IFT70B: variants seen among roughly 807,000 people sequenced by gnomAD.
IFT70B encodes the protein intraflagellar transport 70B, also known as intraflagellar transport protein 70B.
At chr2:177,552,767 C>A in the IFT70B span, 1 of 1,544,262 alleles carries the variant, frequency 6.5e-7, no homozygotes, top group South Asian at 1.2e-5. Flanking sequence ...CAGCCATAAC[C>A]ACCACGGCTG....
chr2:177,550,899 T>C, the IFT70B span: 2 of 1,614,158 alleles, frequency 1.2e-6, no homozygotes, highest in East Asian at 2.2e-5. Flanking sequence ...GTTTCTGCCA[T>C]GAAGTTCACA....
chr2:177,550,845 T>A, the IFT70B span: 1 of 1,614,140 alleles, frequency 6.2e-7, no homozygotes, highest in Non-Finnish European at 8.5e-7. Flanking sequence ...CTTTCCAACA[T>A]GCATTCTTTC....
the IFT70B span, chr2:177,551,356 T>C: frequency 2.5e-6 from 4 of 1,614,070 alleles, no homozygotes; most frequent in Admixed American, 1.7e-5. Flanking sequence ...TTTTCCTGCA[T>C]GAACAGAACA....
chr2:177,550,229 CTT>C, the IFT70B span: 1 of 152,152 alleles, frequency 6.6e-6, no homozygotes, highest in African/African-American at 2.4e-5. Context: ...TTTTTACTGA[CTT>C]TTGCACGTTA....
At chr2:177,552,683 G>A in the IFT70B span, 1 of 1,597,578 alleles carries the variant, frequency 6.3e-7, no homozygotes, top group Non-Finnish European at 8.5e-7. Context: ...CCGCCTCGGC[G>A]TAGCGTGCAT....
At chr2:177,552,658 C>T in the IFT70B span, 2 of 1,589,808 alleles carry the variant, frequency 1.3e-6, no homozygotes, top group Non-Finnish European at 1.7e-6. Flanking sequence ...TGCAGTTCTC[C>T]GCCCAGCAGC....
the IFT70B span, chr2:177,552,236 C>T: frequency 1.2e-6 from 2 of 1,614,264 alleles, no homozygotes; most frequent in Non-Finnish European, 8.5e-7. Flanking sequence ...CGGCAAAAAA[C>T]TTGGAGCATG....
At chr2:177,552,208 A>G in the IFT70B span, 4 of 1,614,128 alleles carry the variant, frequency 2.5e-6, no homozygotes, top group East Asian at 8.9e-5. Flanking sequence ...TCAGGCTGGT[A>G]GCCCGAGGCC....
At chr2:177,551,999 G>A in the IFT70B span, 17 of 1,614,224 alleles carry the variant, frequency 1.1e-5, no homozygotes, top group Non-Finnish European at 1.4e-5. Context: ...CTGCCTTAAG[G>A]TTGAAGGCTT....
chr2:177,552,501 G>C, the IFT70B span: 1 of 1,605,436 alleles, frequency 6.2e-7, no homozygotes, highest in Admixed American at 1.7e-5. Flanking sequence ...CTTGTACAGG[G>C]CCTGGGCCTG....
chr2:177,552,367 T>C, the IFT70B span: 9 of 1,614,100 alleles, frequency 5.6e-6, no homozygotes, highest in African/African-American at 1.3e-5. Context: ...ACCAGGCTCC[T>C]GGACCCTGGC....
At chr2:177,549,121 C>T in the IFT70B span, 1 of 152,164 alleles carries the variant, frequency 6.6e-6, no homozygotes, top group Admixed American at 6.5e-5. Context: ...GCTACTGCAG[C>T]AACACTTTTA....
the IFT70B span, chr2:177,552,427 T>G: frequency 4.3e-6 from 7 of 1,613,370 alleles, no homozygotes; most frequent in Non-Finnish European, 5.9e-6. Flanking sequence ...AGGACCCGGC[T>G]GTGGTAGGCG....
chr2:177,550,252 T>C, the IFT70B span: 1 of 152,298 alleles, frequency 6.6e-6, no homozygotes, highest in Non-Finnish European at 1.5e-5. Flanking sequence ...AAACCACTTA[T>C]AACCTAAGGA....
At chr2:177,552,456 A>C in the IFT70B span, 6 of 1,612,762 alleles carry the variant, frequency 3.7e-6, no homozygotes, top group South Asian at 5.5e-5. Flanking sequence ...CAGGAGAAGG[A>C]AGGCGACCCG....
the IFT70B span, chr2:177,552,013 C>T: frequency 6.2e-6 from 10 of 1,614,216 alleles, no homozygotes; most frequent in Non-Finnish European, 6.8e-6. Context: ...AAGGCTTCCA[C>T]CAGAGCAGTC....
At chr2:177,551,858 A>T in the IFT70B span, 9 of 1,614,136 alleles carry the variant, frequency 5.6e-6, no homozygotes, top group Middle Eastern at 1.6e-4. Context: ...ACCCTTCTGT[A>T]GGCCTGGCAT....
the IFT70B span, chr2:177,550,859 T>C: frequency 6.2e-7 from 1 of 1,614,146 alleles, no homozygotes; most frequent in South Asian, 1.1e-5. Context: ...TTCTTTCTTC[T>C]TCCAGGGGTT....
the IFT70B span, chr2:177,552,051 C>T: frequency 8.1e-5 from 131 of 1,614,124 alleles, no homozygotes; most frequent in Non-Finnish European, 1.1e-4. Flanking sequence ...GTTGCCAACA[C>T]TGCGAACATC....
Sources: gnomAD v4.1 joint callset for allele counts on GRCh38, gnomAD v4.1.1 for gene constraint, MANE v1.5 for transcripts, NCBI Gene and HGNC (gene_info 2026-07-23, HGNC 2026-07-21) for gene names.